Variants in RBMS1 observed in about 807,000 individuals in gnomAD.
RBMS1 encodes RNA-binding motif, single-stranded-interacting protein 1.
In RBMS1, 17 loss-of-function variants were observed where a neutral mutation model predicts 62.3. The observed-to-expected ratio is 0.27, with a 90% CI of 0.19 to 0.41. The LOEUF (loss-of-function observed/expected upper bound fraction) is 0.41. Among genes scored for constraint, RBMS1 ranks in the 10% least tolerant of loss-of-function variants. RBMS1 has a pLI of 1.00. For missense variants in RBMS1, 334 were observed against 504.5 expected (o/e 0.66, Z 3.24); for synonymous variants, 172 against 170.0 (o/e 1.01, Z -0.09).
intron 6 of RBMS1, among the ~76,000 whole-genome samples, chr2:160,287,683 A>G (rs1559324358): frequency 6.6e-6 from 1 of 152,214 alleles, no homozygotes; most frequent in Non-Finnish European, 1.5e-5. Context: ...CCCAGTGCCT[A>G]AGTGTCTGGA....
At chr2:160,299,331 C>T (rs1475051370) in intron 6 of RBMS1, among the ~76,000 whole-genome samples, 1 of 152,156 alleles carries the variant, frequency 6.6e-6, no homozygotes, top group Non-Finnish European at 1.5e-5. Flanking sequence ...ATATTTTTGG[C>T]ATGAAGTAAT....
At chr2:160,351,333 TAA>T (rs1017646035) in intron 2 of RBMS1, among the ~76,000 whole-genome samples, 1 of 144,450 alleles carries the variant, frequency 6.9e-6, no homozygotes, top group Non-Finnish European at 1.5e-5. Flanking sequence ...TAATAAATAA[TAA>T]AAAAAAAAGA....
chr2:160,409,540 A>C (rs1039570902), intron 1 of RBMS1, among the ~76,000 whole-genome samples: 3 of 152,200 alleles, frequency 2.0e-5, no homozygotes, highest in Non-Finnish European at 4.4e-5. Flanking sequence ...GTTATCAAGC[A>C]CAAGTATAAA....
chr2:160,277,691 A>G, intron 11 of RBMS1: 1 of 250,048 alleles, frequency 4.0e-6, no homozygotes, highest in Admixed American at 4.9e-5. Context: ...AGTATCACTA[A>G]TGTGTGATTT....
Position 160,275,800 on chromosome 2 carries a change from C to T in RBMS1, c.1144-86G>A. On this transcript the variant is annotated intron_variant, in intron 12 of 13. Transcript: ENST00000348849. Reference sequence around the variant, plus strand: ...TTAGGCCTGACTGAATCCAACAGTGCCTTAAAAACAGTTACTCTTTAAAGT... The same window carrying T: ...TTAGGCCTGACTGAATCCAACAGTGTCTTAAAAACAGTTACTCTTTAAAGT... The T allele has an allele frequency of 3.8e-6, 6 of 1,566,858 alleles. 1 individual carries two copies. The South Asian group carries it at 6.8e-5, about 18-fold the overall frequency.
intron 6 of RBMS1, among the ~76,000 whole-genome samples, chr2:160,293,526 C>T (rs1210793019): frequency 6.6e-6 from 1 of 152,214 alleles, no homozygotes; most frequent in East Asian, 1.9e-4. Flanking sequence ...CAGTGCAACA[C>T]TGAGAATCTA....
intron 1 of RBMS1, among the ~76,000 whole-genome samples, chr2:160,409,416 G>A (rs1373439345): frequency 6.6e-6 from 1 of 152,116 alleles, no homozygotes; most frequent in Non-Finnish European, 1.5e-5. Flanking sequence ...AGTATAATGA[G>A]CATTCATTGA....
chr2:160,356,040 T>C (rs1316804121), intron 2 of RBMS1, among the ~76,000 whole-genome samples: 1 of 152,156 alleles, frequency 6.6e-6, no homozygotes, highest in Non-Finnish European at 1.5e-5. Flanking sequence ...TGTTCTTATA[T>C]GCCCATTATT....
chr2:160,333,691 C>CGGGGAAAGTGAAGTACAGGATGGGTG (rs1691407319), intron 2 of RBMS1, among the ~76,000 whole-genome samples: 1 of 152,096 alleles, frequency 6.6e-6, no homozygotes, highest in Admixed American at 6.5e-5. Flanking sequence ...AAGACAGGAA[C>CGGGGAAAGTGAAGTACAGGATGGGTG]GGGGAAAGTG....
At chr2:160,353,505 A>G (rs904679824) in intron 2 of RBMS1, among the ~76,000 whole-genome samples, 3 of 152,122 alleles carry the variant, frequency 2.0e-5, no homozygotes, top group East Asian at 3.9e-4. Context: ...ATTCTTCATA[A>G]ATCTTATTTC....
At chr2:160,432,422 C>T (rs548287855) in intron 1 of RBMS1, 1 of 152,310 alleles carries the variant, frequency 6.6e-6, no homozygotes, top group East Asian at 1.9e-4. Flanking sequence ...ATCCCACTAA[C>T]ATTTTTCTGT....
chr2:160,307,466 A>G (rs1689600430), intron 4 of RBMS1, among the ~76,000 whole-genome samples: 1 of 152,106 alleles, frequency 6.6e-6, no homozygotes, highest in Admixed American at 6.5e-5. Flanking sequence ...GGCCTACAGA[A>G]GCCACTTTGC....
intron 1 of RBMS1, among the ~76,000 whole-genome samples, chr2:160,457,284 C>T (rs758468021): frequency 3.9e-5 from 6 of 152,104 alleles, no homozygotes; most frequent in Non-Finnish European, 8.8e-5. Flanking sequence ...GAATGCACCA[C>T]CACGCCCAGC....
chr2:160,313,911 A>G (rs1690070621), intron 3 of RBMS1, among the ~76,000 whole-genome samples: 1 of 152,236 alleles, frequency 6.6e-6, no homozygotes, highest in African/African-American at 2.4e-5. Flanking sequence ...AAAACAAAAC[A>G]TAACAAAACA....
chr2:160,425,518 G>C (rs1042904631), intron 1 of RBMS1, among the ~76,000 whole-genome samples: 1 of 152,158 alleles, frequency 6.6e-6, no homozygotes, highest in African/African-American at 2.4e-5. Flanking sequence ...TAGCTGAGGG[G>C]CCATGAGCAA....
chr2:160,287,961 ATTC>A (rs970120864), intron 6 of RBMS1, among the ~76,000 whole-genome samples: 1 of 150,658 alleles, frequency 6.6e-6, no homozygotes, highest in African/African-American at 2.4e-5. Context: ...ATTTATATAA[ATTC>A]TTCTTACAGA....
chr2:160,390,432 T>C (rs1297578907), intron 1 of RBMS1, among the ~76,000 whole-genome samples: 2 of 152,222 alleles, frequency 1.3e-5, no homozygotes, highest in African/African-American at 2.4e-5. Context: ...GGCTCATGCC[T>C]GTAATCTCAA....
intron 1 of RBMS1, among the ~76,000 whole-genome samples, chr2:160,461,441 T>C (rs1302826553): frequency 6.6e-6 from 1 of 152,222 alleles, no homozygotes; most frequent in Non-Finnish European, 1.5e-5. Context: ...AGTTCTTCAC[T>C]TTAATTCCAG....
At chr2:160,448,786 A>G (rs1394714989) in intron 1 of RBMS1, among the ~76,000 whole-genome samples, 4 of 134,620 alleles carry the variant, frequency 3.0e-5, no homozygotes, top group Non-Finnish European at 6.3e-5. Flanking sequence ...CCCTCTGCCC[A>G]GCCACCCAGT....
Sources: gnomAD v4.1 joint callset for allele counts (sites outside exome capture counted in the v4.1 genomes callset) on GRCh38, gnomAD v4.1.1 for gene constraint, MANE v1.5 for transcripts, NCBI Gene and HGNC (gene_info 2026-07-23, HGNC 2026-07-21) for gene names.